RTEL1: variants seen among roughly 807,000 people sequenced by gnomAD.
RTEL1 encodes regulator of telomere elongation helicase 1.
A neutral mutation model predicts 162.2 loss-of-function variants in RTEL1; 86 were observed. That is an observed-to-expected ratio of 0.53 (90% confidence interval 0.45 to 0.63). RTEL1 has a LOEUF of 0.63. Among genes scored for constraint, RTEL1 ranks in the 30% least tolerant of loss-of-function variants. RTEL1 has a pLI of 0.00. For synonymous variants in RTEL1, 958 were observed against 717.9 expected (o/e 1.33, Z -5.35); for missense variants, 1,941 against 1,750.2 (o/e 1.11, Z -1.95).
chr20:63,694,676 C>G, intron 31 of RTEL1, 65 bp from the exon 32 acceptor site: 1 of 1,397,898 alleles, frequency 7.2e-7, no homozygotes, highest in Non-Finnish European at 9.7e-7. Context: ...GAAGGGCGGG[C>G]AGGGCGGTGG....
In RTEL1 at chr20:63,661,931, A is replaced by G. The variant is rs2090028197; in HGVS notation, c.383A>G (p.Asn128Ser). 2 of 1,613,666 alleles carry G rather than the reference A, an allele frequency of 1.2e-6. No individual in the cohort carries two copies. Among genetic ancestry groups the G allele is most frequent in the South Asian group, 1.1e-5 (1 of 91,048 alleles). ...QLTQVINELRNTSYRPKVCVL... is the reference protein window; with the variant it reads ...QLTQVINELRSTSYRPKVCVL... ...ACACAGGTCATCAACGAGCTTCGGAACACCTCCTACCGGTGGGTCAGACGA... is the reference window on the plus strand; with the variant it reads ...ACACAGGTCATCAACGAGCTTCGGAGCACCTCCTACCGGTGGGTCAGACGA... Residue 128 changes from asparagine (N) to serine (S), a missense_variant, in exon 4 of 35, where the codon AAC (asparagine) becomes AGC (serine). Asn to Ser is a conservative substitution (Grantham distance 46). Coordinates refer to ENST00000360203, the MANE Select transcript of RTEL1 (RefSeq NM_001283009.2). The surrounding 1 kb of genome is among the most constrained non-coding windows in gnomAD (Gnocchi z 5.1).
rs113684274 is a variant in RTEL1, at chr20:63,678,280, G to T, written c.971G>T (p.Arg324Leu). The change falls in exon 12 of 35, where the codon CGC becomes CTC. Residue 324 changes from arginine to leucine, a missense_variant. Physicochemically the swap from Arg to Leu is moderately radical, Grantham distance 102. Coordinates refer to ENST00000360203, the MANE Select transcript of RTEL1 (RefSeq NM_001283009.2). Reference protein sequence around the residue: ...DIAKLKMILLRLEGAIDAVEL... With the variant: ...DIAKLKMILLLLEGAIDAVEL... ...CCTCGACCCACAGTGATCCTGCTGC[G>T]CCTGGAGGGGGCCATCGATGCTGTT... 22 of 1,612,538 alleles carry T rather than the reference G, an allele frequency of 1.4e-5. No individual in the cohort carries two copies. The highest frequency in any genetic ancestry group is 1.7e-5 in the Admixed American group (1 of 59,920).
intron 33 of RTEL1, 29 bp from the exon 34 acceptor site, chr20:63,695,299 C>T (rs568983942): frequency 4.4e-6 from 7 of 1,582,614 alleles, no homozygotes; most frequent in South Asian, 1.1e-5. Flanking sequence ...AGCCCCAGGC[C>T]CCCCTCAGAC....
Position 63,692,891 on chromosome 20 carries a change from C to T in RTEL1, c.2739C>T (p.Ala913=), listed in dbSNP as rs1601182369. 6.2e-7 allele frequency: 1 copy of T among 1,612,632 alleles called. No individual in the cohort carries two copies. Among genetic ancestry groups the T allele is most frequent in the Non-Finnish European group, 8.5e-7 (1 of 1,179,856 alleles). Residue 913 remains alanine (A), a synonymous_variant, in exon 29 of 35, where the codon GCC becomes GCT. Transcript: ENST00000360203. Reference sequence around the variant, plus strand: ...AGGAGTTGAGCCAAGCCAACTTTGCCACCTTCACCCAGGCCCTGCAGGACT... The same window carrying T: ...AGGAGTTGAGCCAAGCCAACTTTGCTACCTTCACCCAGGCCCTGCAGGACT... ...VKQELSQANF[A]TFTQALQDYK...
Position 63,661,450 on chromosome 20 carries a change from C to T in RTEL1, c.255C>T (p.Ala85=). The stretch of plus-strand genomic sequence containing the variant: ...AAGGAGAGCTTTTCCCGGATCGGGC[C>T]TTGTCATCCTGGGGCAACGCTGCTG... The part of the protein sequence containing the change: ...RAQGELFPDR[A]LSSWGNAAAA... The change falls in exon 3 of 35, where the codon GCC becomes GCT. Residue 85 remains alanine, a synonymous_variant. Transcript: ENST00000360203. This position sits in a 1 kb window ranked among gnomAD's most constrained non-coding sequence, Gnocchi z 5.1. The T allele has an allele frequency of 1.9e-6, 3 of 1,613,488 alleles. No homozygotes were observed. Among genetic ancestry groups the T allele is most frequent in the African/African-American group, 2.7e-5 (2 of 75,052 alleles).
chr20:63,660,065 CAG>C (rs2089987595), intron 2 of RTEL1, among the ~76,000 whole-genome samples: 1 of 151,762 alleles, frequency 6.6e-6, no homozygotes, highest in Non-Finnish European at 1.5e-5. Context: ...TAAAGAGTAA[CAG>C]AGCAGCATTG....
At chr20:63,680,368 G>A (rs1234454062) in intron 13 of RTEL1, among the ~76,000 whole-genome samples, 1 of 152,178 alleles carries the variant, frequency 6.6e-6, no homozygotes, top group Non-Finnish European at 1.5e-5. Context: ...CTGCGCTCCC[G>A]GGTGCTGGGG....
At chr20:63,658,061 T>C (rs1418671084), upstream of RTEL1, 1 of 152,052 alleles carries the variant, frequency 6.6e-6, no homozygotes. Context: ...CGGGCAATGG[T>C]GGTGGCTCGG....
intron 9 of RTEL1, among the ~76,000 whole-genome samples, chr20:63,673,595 C>T (rs761311779): frequency 3.3e-5 from 5 of 152,006 alleles, no homozygotes; most frequent in Non-Finnish European, 5.9e-5. Context: ...CACACCACCA[C>T]GCCCGGCTAA....
At position 63,695,500 on chromosome 20, in the gene RTEL1, C is replaced by T; in HGVS notation, c.3672C>T (p.Asp1224=). The change falls in exon 34 of 35, where the codon GAC becomes GAT. Residue 1224 remains aspartate, a synonymous_variant. Transcript: ENST00000360203. The part of the protein sequence containing the change: ...ASEWGEPHGR[D]IAGQQATGAP... ...AGTGGGGTGAGCCTCATGGGAGAGA[C>T]ATCGCTGGGCAGCAGGCCACGGGAG... 1 of 1,610,876 alleles carries T rather than the reference C, an allele frequency of 6.2e-7. No individual in the cohort carries two copies. The highest frequency in any genetic ancestry group is 8.5e-7 in the Non-Finnish European group (1 of 1,179,006).
chr20:63,689,091 G>T lies in RTEL1; in HGVS notation c.1837G>T (p.Gly613Trp). The T allele has an allele frequency of 1.2e-6, 2 of 1,610,772 alleles. No individual in the cohort carries two copies. Among genetic ancestry groups the T allele is most frequent in the Non-Finnish European group, 1.7e-6 (2 of 1,179,894 alleles). The change falls in exon 22 of 35, where the codon GGG becomes TGG. Residue 613 changes from glycine (G) to tryptophan (W), a missense_variant. Gly to Trp is a radical substitution (Grantham distance 184). Transcript: ENST00000360203. ...SAYYARVAAPGSTGATFLAVC... is the reference protein window; with the variant it reads ...SAYYARVAAPWSTGATFLAVC... ...TTACTATGCAAGGGTTGCCGCCCCT[G>T]GGTCCACCGGCGCCACCTTCCTGGC... is the stretch of plus-strand genomic sequence containing the variant.
At chr20:63,667,302 C>T (rs144396139) in intron 7 of RTEL1, among the ~76,000 whole-genome samples, 167 bp from the exon 8 acceptor site, 139 of 152,238 alleles carry the variant, frequency 9.1e-4, no homozygotes, top group African/African-American at 1.7e-3. Flanking sequence ...GACTCCCCAT[C>T]CCTTGGTCAG....
intron 9 of RTEL1, 86 bp downstream of exon 9, chr20:63,672,707 G>A: frequency 8.6e-7 from 1 of 1,158,406 alleles, no homozygotes; most frequent in Middle Eastern, 2.0e-4. Flanking sequence ...GAGGGGCTCT[G>A]GCCAAACTCC....
rs921537443 is a variant in RTEL1, at chr20:63,685,791, G to A, written c.1267G>A (p.Val423Met). ...AGLGALQSYK[V>M]HIHPDAGHRR... ...ACACTCCTGGTCCTGTCCCCTCCAG[G>A]TGCACATCCATCCTGATGCTGGTCA... Residue 423 changes from valine (V) to methionine (M), a missense_variant and splice_region_variant, in exon 16 of 35, where the codon GTG (valine) becomes ATG (methionine). Physicochemically the swap from Val to Met is conservative, Grantham distance 21. Coordinates refer to ENST00000360203, the MANE Select transcript of RTEL1 (RefSeq NM_001283009.2). 2 of 1,611,752 alleles carry A rather than the reference G, an allele frequency of 1.2e-6. No individual in the cohort carries two copies. The highest frequency in any genetic ancestry group is 2.7e-5 in the African/African-American group (2 of 74,898).
chr20:63,691,841 C>T lies in RTEL1; in HGVS notation c.2652+4C>T, dbSNP rs374540895. 1.3e-4 allele frequency: 209 copies of T among 1,607,466 alleles called. No homozygotes were observed. The highest frequency in any genetic ancestry group is 9.9e-4 in the African/African-American group (74 of 74,984). On this transcript the variant is annotated splice_donor_region_variant and intron_variant, in intron 28 of 34. Transcript: ENST00000360203. The stretch of plus-strand genomic sequence containing the variant: ...GATCCGGCTGGTCAGCCACCCGGTG[C>T]GTGAGCTGTCCCTGCACCTGTGCCG...
At chr20:63,678,043 T>A (rs1366418306) in intron 10 of RTEL1, 102 bp from the exon 11 acceptor site, 1 of 1,323,782 alleles carries the variant, frequency 7.6e-7, no homozygotes, top group African/African-American at 1.5e-5. Flanking sequence ...TTCCTTTCCA[T>A]GTTGGTGTCC....
At chr20:63,692,765 G>C in intron 28 of RTEL1, 40 bp from the exon 29 acceptor site, 6 of 1,580,048 alleles carry the variant, frequency 3.8e-6, no homozygotes, top group Non-Finnish European at 3.5e-6. Flanking sequence ...ACCAGATGAT[G>C]AGGCTGGCCC....
In RTEL1 at chr20:63,662,081, C is replaced by T. The variant is rs2090031566; in HGVS notation, c.395+138C>T. 7 of 723,936 alleles carry T rather than the reference C, an allele frequency of 9.7e-6. No homozygotes were observed. The Admixed American group carries it at 1.5e-4, about 16-fold the overall frequency. The allele number at this position is 723,936 out of a possible 1,614,324, so 44.8% of individuals were successfully genotyped here. A position where few individuals can be genotyped will look rare whatever the true frequency, so the allele number is the denominator to read the frequency against. On this transcript the variant is annotated intron_variant, in intron 4 of 34. Transcript: ENST00000360203. ...ACGCTCCCCCGAAGTGTGCAGAGCG[C>T]TGGTGCCCAGGGGTGGGGTGCGGCC... is the stretch of plus-strand genomic sequence containing the variant.
chr20:63,681,376 A>T, intron 14 of RTEL1: 2 of 985,340 alleles, frequency 2.0e-6, no homozygotes, highest in Non-Finnish European at 2.4e-6. Flanking sequence ...TTTTAGAAGC[A>T]GACTCAGAAG....
Sources: gnomAD v4.1 joint callset for allele counts (sites outside exome capture counted in the v4.1 genomes callset) on GRCh38, gnomAD v4.1.1 for gene constraint, Gnocchi (gnomAD v3.1) non-coding constraint, MANE v1.5 for transcripts, NCBI Gene and HGNC (gene_info 2026-07-23, HGNC 2026-07-21) for gene names.